CYRIB: variants seen among roughly 807,000 people sequenced by gnomAD.
CYRIB encodes the protein CYFIP-related Rac1 interactor B.
In CYRIB, 8 loss-of-function variants were observed where a neutral mutation model predicts 44.2. That is an observed-to-expected ratio of 0.18 (90% CI 0.11 to 0.33). The LOEUF (loss-of-function observed/expected upper bound fraction) is 0.33, where lower values mean the gene tolerates loss of function less well. CYRIB is among the 10% of genes least tolerant of loss of function. The pLI, the probability that CYRIB is intolerant of heterozygous loss-of-function variation, is 1.00. For missense variants in CYRIB, 185 were observed against 382.8 expected, an observed-to-expected ratio of 0.48 and a Z score of 4.31; for synonymous variants, 131 against 127.2, an observed-to-expected ratio of 1.03 and a Z score of -0.20.
intron 1 of CYRIB, among the ~76,000 whole-genome samples, chr8:129,928,963 T>C (rs1303066043): frequency 2.0e-5 from 3 of 152,222 alleles, no homozygotes; most frequent in Non-Finnish European, 1.5e-5. Context: ...AGAAAACATA[T>C]GTCCACACAT....
At chr8:129,986,844 C>A (rs1163284387) in intron 1 of CYRIB, among the ~76,000 whole-genome samples, 2 of 152,200 alleles carry the variant, frequency 1.3e-5, no homozygotes. Flanking sequence ...TCCAGCACTG[C>A]ATGCCAGCCT....
rs187873003 is a variant in CYRIB, at chr8:129,927,144, T to C, written c.-50+12464A>G. Among the ~76,000 whole-genome samples, 735 of 151,566 alleles carry C rather than the reference T, an allele frequency of 4.8e-3. 7 individuals are homozygous for C. Among genetic ancestry groups the C allele is most frequent in the Non-Finnish European group, 8.2e-3 (557 of 67,864 alleles). ...CTAAAAATACACACACAAAAAAAAA[T>C]AGCCAAGTATGGTGGTGCGTGCCTG... is the stretch of plus-strand genomic sequence containing the variant. On this transcript the variant is annotated intron_variant, in intron 1 of 11. Coordinates refer to ENST00000519824, the Ensembl canonical transcript of CYRIB.
At chr8:129,920,765 G>A (rs1189173016) in intron 1 of CYRIB, among the ~76,000 whole-genome samples, 3 of 152,068 alleles carry the variant, frequency 2.0e-5, no homozygotes, top group South Asian at 4.1e-4. Context: ...GTACAGTTTA[G>A]AAATTCCCCT....
chr8:129,991,133 G>GAAAAAAAAA (rs35682865), intron 1 of CYRIB, among the ~76,000 whole-genome samples: 1 of 67,750 alleles, frequency 1.5e-5, no homozygotes. Context: ...CTCTGTCTCA[G>GAAAAAAAAA]AAAAAAAAAA....
chr8:130,010,711 T>C (rs1009307282), intron 1 of CYRIB, among the ~76,000 whole-genome samples: 3 of 152,142 alleles, frequency 2.0e-5, no homozygotes, highest in Admixed American at 6.5e-5. Context: ...TGTTTTCGCA[T>C]GCATGCCTCC....
At chr8:129,887,650 G>A (rs1455492907) in intron 2 of CYRIB, among the ~76,000 whole-genome samples, 1 of 152,234 alleles carries the variant, frequency 6.6e-6, no homozygotes, top group Non-Finnish European at 1.5e-5. Context: ...CAGAGCAAGA[G>A]GGGCAGAGCT....
At chr8:129,851,915 C>A (rs2043461714) in intron 8 of CYRIB, 1 of 361,888 alleles carries the variant, frequency 2.8e-6, no homozygotes, top group Non-Finnish European at 4.9e-6. Context: ...GGTTAGAAAA[C>A]GCAACCCAGA....
chr8:129,876,182 C>A (rs1363592904), intron 3 of CYRIB, among the ~76,000 whole-genome samples: 1 of 151,722 alleles, frequency 6.6e-6, no homozygotes, highest in Non-Finnish European at 1.5e-5. Context: ...TTAGTATCTT[C>A]ATGAGCTACA....
At chr8:129,864,852 C>T in intron 4 of CYRIB, 1 of 418,148 alleles carries the variant, frequency 2.4e-6, no homozygotes, top group South Asian at 1.8e-5. Context: ...TGAGGTTTTC[C>T]TCATTGATCA....
intron 2 of CYRIB, among the ~76,000 whole-genome samples, chr8:129,891,864 A>G (rs2065572654): frequency 6.6e-6 from 1 of 152,192 alleles, no homozygotes; most frequent in Non-Finnish European, 1.5e-5. Flanking sequence ...AGAATGAAAA[A>G]TCTTATTTCA....
intron 2 of CYRIB, among the ~76,000 whole-genome samples, chr8:129,881,724 T>C (rs2060875530): frequency 6.6e-6 from 1 of 152,138 alleles, no homozygotes. Context: ...ATCTTCTTCT[T>C]ATATTAACAT....
At position 129,979,512 on chromosome 8, in the gene CYRIB, G is replaced by A. The variant is rs184397115; in HGVS notation, c.-295-8517C>T. 8.7e-3 allele frequency among the ~76,000 whole-genome samples: 1,325 copies of A among 152,262 alleles called. 12 individuals are homozygous for A. The highest frequency in any genetic ancestry group is 0.012 in the Non-Finnish European group (830 of 68,020). On this transcript the variant is annotated intron_variant, in intron 1 of 14. Coordinates refer to the CYRIB transcript ENST00000401979. The stretch of plus-strand genomic sequence containing the variant: ...CTCTGGAAGGATAAGTGAGAACAGC[G>A]CCCACAGTGCACCTTTTGCCCAGAA...
intron 1 of CYRIB, among the ~76,000 whole-genome samples, chr8:129,982,265 G>A (rs372403585): frequency 3.2e-4 from 49 of 152,200 alleles, no homozygotes; most frequent in Admixed American, 4.6e-4. Context: ...GCTCAGCCCT[G>A]TCCAATAGAA....
intron 2 of CYRIB, among the ~76,000 whole-genome samples, chr8:129,891,101 T>A (rs908662067): frequency 6.6e-6 from 1 of 152,124 alleles, no homozygotes; most frequent in Non-Finnish European, 1.5e-5. Flanking sequence ...CAGTGCATTA[T>A]CTGGCCCCCT....
chr8:129,997,118 GA>G (rs1444394872), intron 1 of CYRIB, among the ~76,000 whole-genome samples: 24 of 115,576 alleles, frequency 2.1e-4, no homozygotes, highest in African/African-American at 9.4e-4. Context: ...AGGAAGGAAG[GA>G]AGGAGGAGGA....
chr8:129,852,084 G>A, intron 8 of CYRIB, 78 bp downstream of exon 10: 3 of 846,186 alleles, frequency 3.5e-6, no homozygotes, highest in South Asian at 4.3e-5. Flanking sequence ...GGTATTTAAT[G>A]TCTTGGGCTT....
chr8:129,927,849 T>G (rs2088833228), intron 1 of CYRIB, among the ~76,000 whole-genome samples: 1 of 152,110 alleles, frequency 6.6e-6, no homozygotes, highest in Admixed American at 6.5e-5. Flanking sequence ...AACCCAAACA[T>G]TTGTGGTCAA....
At chr8:129,958,658 G>C (rs1330255082) in intron 2 of CYRIB, among the ~76,000 whole-genome samples, 1 of 151,682 alleles carries the variant, frequency 6.6e-6, no homozygotes, top group Non-Finnish European at 1.5e-5. Context: ...TCTCTTTGGA[G>C]ACATTGTCAG....
At chr8:129,905,195 C>T (rs1250841539) in intron 1 of CYRIB, among the ~76,000 whole-genome samples, 3 of 138,590 alleles carry the variant, frequency 2.2e-5, no homozygotes, top group Non-Finnish European at 3.2e-5. Flanking sequence ...CTCTGTCACC[C>T]AGGCTGGATT....
Sources: allele counts gnomAD v4.1 joint callset (sites outside exome capture counted in the v4.1 genomes callset), GRCh38; gene constraint gnomAD v4.1.1; transcripts MANE v1.5; gene names NCBI Gene and HGNC (gene_info 2026-07-23, HGNC 2026-07-21).